NGFR: variants seen among roughly 807,000 people sequenced by gnomAD.
The protein encoded by NGFR is tumor necrosis factor receptor superfamily member 16.
In NGFR, 30 loss-of-function variants were observed where a neutral mutation model predicts 43.2. That is an observed-to-expected ratio of 0.69 (90% CI 0.52 to 0.94). NGFR has a LOEUF of 0.94. NGFR is among the 40% of genes least tolerant of loss of function. NGFR has a pLI of 0.00. For synonymous variants in NGFR, 246 were observed against 259.6 expected, an observed-to-expected ratio of 0.95 and a Z score of 0.50; for missense variants, 529 against 602.5, an observed-to-expected ratio of 0.88 and a Z score of 1.28.
In NGFR at chr17:49,495,757, C is replaced by G. The variant is rs1290879987; in HGVS notation, c.66+274C>G. On this transcript the variant is annotated intron_variant, in intron 1 of 5. Coordinates refer to ENST00000172229, the MANE Select transcript of NGFR (RefSeq NM_002507.4). This position sits in a 1 kb window ranked among gnomAD's most constrained non-coding sequence, Gnocchi z 6.4. ...GGGCGGTGGGGGAGCTGGGAGGGGT[C>G]TTTCAAGAGGGGGCATGGGGCTCTC... 2 of 377,506 alleles carry G rather than the reference C, an allele frequency of 5.3e-6. No individual in the cohort carries two copies. Among genetic ancestry groups the G allele is most frequent in the Non-Finnish European group, 9.4e-6 (2 of 213,064 alleles). The allele number at this position is 377,506 out of a possible 1,614,324, so 23.4% of individuals were successfully genotyped here.
Position 49,513,071 on chromosome 17 carries a change from T to C in NGFR, c.*62T>C. ...GACAACCGATGCTCCAGCCAACCCC[T>C]GTGGAGCCCGCACCCCCACCCTTTG... On this transcript the variant is annotated 3_prime_UTR_variant, in exon 6 of 6. Transcript: ENST00000172229. 3.5e-6 allele frequency: 5 copies of C among 1,434,444 alleles called. No homozygotes were observed. Among genetic ancestry groups the C allele is most frequent in the South Asian group, 1.4e-5 (1 of 70,210 alleles). The allele number at this position is 1,434,444 out of a possible 1,614,324, so 88.9% of individuals were successfully genotyped here. A position where few individuals can be genotyped will look rare whatever the true frequency, so the allele number is the denominator to read the frequency against.
chr17:49,512,803 C>T lies in NGFR; in HGVS notation c.1078C>T (p.Arg360Trp), dbSNP rs752053070. 6.2e-6 allele frequency: 10 copies of T among 1,613,250 alleles called. No homozygotes were observed. The highest frequency in any genetic ancestry group is 4.4e-5 in the South Asian group (4 of 91,080). Reference protein sequence around the residue: ...LLNGSAGDTWRHLAGELGYQP... With the variant: ...LLNGSAGDTWWHLAGELGYQP... ...CAACGGCTCTGCGGGGGACACCTGG[C>T]GGCACCTGGCGGGCGAGCTGGGCTA... The change falls in exon 6 of 6, where the codon CGG becomes TGG. Residue 360 changes from arginine to tryptophan, a missense_variant. Transcript: ENST00000172229. The surrounding 1 kb of genome is among the most constrained non-coding windows in gnomAD (Gnocchi z 5.2).
intron 2 of NGFR, among the ~76,000 whole-genome samples, chr17:49,502,818 TCC>T (rs2143429120): frequency 2.2e-5 from 2 of 89,302 alleles, no homozygotes; most frequent in Non-Finnish European, 2.5e-5. Flanking sequence ...TGGGATTTCT[TCC>T]TTCCTTCCTT....
At chr17:49,505,547 G>C (rs1272335139) in intron 2 of NGFR, 1 of 152,292 alleles carries the variant, frequency 6.6e-6, no homozygotes, top group Non-Finnish European at 1.5e-5. Context: ...CATCCTGGCC[G>C]AAAGGGCAGA....
In NGFR at chr17:49,510,668, A is replaced by G; in HGVS notation, c.821+4A>G. 1.2e-6 allele frequency: 2 copies of G among 1,610,158 alleles called. No individual in the cohort carries two copies. Among genetic ancestry groups the G allele is most frequent in the Non-Finnish European group, 1.7e-6 (2 of 1,176,710 alleles). On this transcript the variant is annotated splice_donor_region_variant and intron_variant, in intron 4 of 5. Coordinates refer to ENST00000172229, the MANE Select transcript of NGFR (RefSeq NM_002507.4). Reference sequence around the variant, plus strand: ...TGGCCTACATAGCCTTCAAGAGGTAAGAGAGGGCACGGTGGCGACAGAGAG... The same window carrying G: ...TGGCCTACATAGCCTTCAAGAGGTAGGAGAGGGCACGGTGGCGACAGAGAG...
chr17:49,495,310 G>A lies in NGFR; in HGVS notation c.-108G>A. The A allele has an allele frequency of 1.1e-6, 1 of 930,938 alleles. No individual in the cohort carries two copies. The highest frequency in any genetic ancestry group is 1.4e-6 in the Non-Finnish European group (1 of 715,320). The allele number at this position is 930,938 out of a possible 1,614,324, so 57.7% of individuals were successfully genotyped here. On this transcript the variant is annotated 5_prime_UTR_variant, in exon 1 of 6. Transcript: ENST00000172229. The surrounding 1 kb of genome is among the most constrained non-coding windows in gnomAD (Gnocchi z 6.4). ...CCGCAGCCAGAGCGAGCCGAGCCGC[G>A]GCCAGCTCCGGCGGGCAGGGGGGGC...
chr17:49,498,962 T>A (rs2071153210), intron 1 of NGFR, among the ~76,000 whole-genome samples: 1 of 152,218 alleles, frequency 6.6e-6, no homozygotes, highest in Admixed American at 6.5e-5. Flanking sequence ...AGACCAGACA[T>A]ATTTGCATAA....
chr17:49,502,253 G>A, intron 2 of NGFR, 49 bp downstream of exon 2: 1 of 1,543,942 alleles, frequency 6.5e-7, no homozygotes, highest in Non-Finnish European at 8.8e-7. Flanking sequence ...TGGGAGGGAG[G>A]AGAGGGGTGA....
At chr17:49,502,911 T>TTTCCTTCC (rs547029564) in intron 2 of NGFR, among the ~76,000 whole-genome samples, 1 of 149,766 alleles carries the variant, frequency 6.7e-6, no homozygotes, top group Non-Finnish European at 1.5e-5. Flanking sequence ...CTTTCTTTCC[T>TTTCCTTCC]TTCCTTCCTT....
At chr17:49,504,769 C>CTTTTT (rs67010321) in intron 2 of NGFR, among the ~76,000 whole-genome samples, 3 of 110,928 alleles carry the variant, frequency 2.7e-5, no homozygotes, top group East Asian at 2.3e-4. Flanking sequence ...TTCTTTCTTT[C>CTTTTT]TTTTTTTTTT....
intron 4 of NGFR, 70 bp downstream of exon 4, chr17:49,510,734 G>C: frequency 6.3e-7 from 1 of 1,579,376 alleles, no homozygotes; most frequent in South Asian, 1.1e-5. Flanking sequence ...CTGTGACCTT[G>C]ACCTGAAAAC....
At chr17:49,509,113 G>A (rs112474792) in intron 3 of NGFR, among the ~76,000 whole-genome samples, 148 of 152,338 alleles carry the variant, frequency 9.7e-4, no homozygotes, top group African/African-American at 3.4e-3. Flanking sequence ...GGGAAGGGTG[G>A]TTTGGGTGAC....
intron 2 of NGFR, chr17:49,506,097 C>T (rs1597861756): frequency 9.6e-7 from 1 of 1,045,304 alleles, no homozygotes; most frequent in East Asian, 2.8e-5. Flanking sequence ...CGGCTCCGGG[C>T]CTCCTCCCCC....
At chr17:49,503,199 C>T (rs1438621717) in intron 2 of NGFR, among the ~76,000 whole-genome samples, 2 of 151,966 alleles carry the variant, frequency 1.3e-5, no homozygotes, top group South Asian at 2.1e-4. Flanking sequence ...GGATTAGAGG[C>T]GTGAGCCACC....
chr17:49,510,678 C>A lies in NGFR; in HGVS notation c.821+14C>A, dbSNP rs755900000. The A allele has an allele frequency of 3.7e-6, 6 of 1,607,690 alleles. No individual in the cohort carries two copies. Among genetic ancestry groups the A allele is most frequent in the African/African-American group, 1.3e-5 (1 of 74,782 alleles). ...AGCCTTCAAGAGGTAAGAGAGGGCA[C>A]GGTGGCGACAGAGAGGGGAGATGTT... is the stretch of plus-strand genomic sequence containing the variant. On this transcript the variant is annotated intron_variant, in intron 4 of 5. Coordinates refer to ENST00000172229, the MANE Select transcript of NGFR (RefSeq NM_002507.4).
Position 49,511,879 on chromosome 17 carries a change from C to G in NGFR, c.822-13C>G. On this transcript the variant is annotated splice_polypyrimidine_tract_variant and intron_variant, in intron 4 of 5. Transcript: ENST00000172229. Reference sequence around the variant, plus strand: ...CCTCGCCCCCTGAAACCTGGCCTGTCCTCTGGCTCCAGGTGGAACAGCTGC... The same window carrying G: ...CCTCGCCCCCTGAAACCTGGCCTGTGCTCTGGCTCCAGGTGGAACAGCTGC... 4 of 1,594,150 alleles carry G rather than the reference C, an allele frequency of 2.5e-6. No homozygotes were observed. The highest frequency in any genetic ancestry group is 1.7e-4 in the Middle Eastern group (1 of 6,016).
In NGFR at chr17:49,511,948, C is replaced by T. The variant is rs373819088; in HGVS notation, c.878C>T (p.Thr293Met). 20 of 1,613,094 alleles carry T rather than the reference C, an allele frequency of 1.2e-5. No homozygotes were observed. Among genetic ancestry groups the T allele is most frequent in the African/African-American group, 1.2e-4 (9 of 74,916 alleles). ...GCCAACAGCCGGCCAGTGAACCAGACGCCCCCACCAGAGGGAGAAAAACTC... is the reference window on the plus strand; with the variant it reads ...GCCAACAGCCGGCCAGTGAACCAGATGCCCCCACCAGAGGGAGAAAAACTC... ...QGANSRPVNQ[T>M]PPPEGEKLHS... is the part of the protein sequence containing the mutation. The change falls in exon 5 of 6, where the codon ACG (threonine) becomes ATG (methionine). Residue 293 changes from threonine to methionine, a missense_variant. Thr to Met is a moderately conservative substitution (Grantham distance 81). Transcript: ENST00000172229.
chr17:49,506,570 C>T lies in NGFR; in HGVS notation c.480C>T (p.His160=), dbSNP rs527759009. ...PDGTYSDEAN[H]VDPCLPCTVC... ...GCACGTATTCCGACGAGGCCAACCA[C>T]GTGGACCCGTGCCTGCCCTGCACCG... Residue 160 remains histidine, a synonymous_variant, in exon 3 of 6, where the codon CAC becomes CAT. Coordinates refer to ENST00000172229, the MANE Select transcript of NGFR (RefSeq NM_002507.4). 3.7e-6 allele frequency: 6 copies of T among 1,611,314 alleles called. No homozygotes were observed. The highest frequency in any genetic ancestry group is 1.3e-5 in the African/African-American group (1 of 74,972).
intron 1 of NGFR, chr17:49,497,363 G>A (rs1162561240): frequency 6.6e-6 from 1 of 152,394 alleles, no homozygotes; most frequent in Non-Finnish European, 1.5e-5. Context: ...GCTGGTTAGA[G>A]ACGCTGCTCA....
Sources: allele counts gnomAD v4.1 joint callset (sites outside exome capture counted in the v4.1 genomes callset), GRCh38; gene constraint gnomAD v4.1.1; non-coding constraint Gnocchi (gnomAD v3.1); transcripts MANE v1.5; gene names NCBI Gene and HGNC (gene_info 2026-07-23, HGNC 2026-07-21).